The following VAMP4 variants were observed in gnomAD, a reference collection of about 807,000 sequenced individuals.
The protein encoded by VAMP4 is vesicle-associated membrane protein 4.
In VAMP4, 19 loss-of-function variants were observed where a neutral mutation model predicts 23.5. That is an observed-to-expected ratio of 0.81 (90% confidence interval 0.56 to 1.19). VAMP4 has a LOEUF of 1.19. Among genes scored for constraint, VAMP4 ranks in the 50% most tolerant of loss-of-function variants. VAMP4 has a pLI of 0.00. For missense variants in VAMP4, 145 were observed against 168.6 expected, an observed-to-expected ratio of 0.86 and a Z score of 0.78; for synonymous variants, 31 against 51.0, an observed-to-expected ratio of 0.61 and a Z score of 1.67.
At position 171,710,818 on chromosome 1, in the gene VAMP4, G is replaced by A. The variant is rs10913530; in HGVS notation, c.165-4C>T. On this transcript the variant is annotated splice_polypyrimidine_tract_variant and splice_region_variant and intron_variant, in intron 4 of 7. Coordinates refer to ENST00000236192, the MANE Select transcript of VAMP4 (RefSeq NM_003762.5). Reference sequence around the variant, plus strand: ...TTCATCCACTTGATTCTGAACACTAGTTTAAAAAAGATACACAATTATTTA... The same window carrying A: ...TTCATCCACTTGATTCTGAACACTAATTTAAAAAAGATACACAATTATTTA... 0.31 allele frequency: 491,983 copies of A among 1,575,522 alleles called. 78,818 individuals are homozygous for A. The highest frequency in any genetic ancestry group is 0.47 in the African/African-American group (34,596 of 73,502).
chr1:171,737,006 C>T (rs1179120530), intron 2 of VAMP4, among the ~76,000 whole-genome samples: 1 of 152,080 alleles, frequency 6.6e-6, no homozygotes, highest in Non-Finnish European at 1.5e-5. Flanking sequence ...ATCAGAAACA[C>T]ACAAAACCGC....
chr1:171,720,993 GC>G (rs1655176032), intron 3 of VAMP4, among the ~76,000 whole-genome samples: 2 of 151,962 alleles, frequency 1.3e-5, no homozygotes, highest in Non-Finnish European at 2.9e-5. Flanking sequence ...TATCACAAAT[GC>G]AACGACGGTT....
chr1:171,724,565 A>T (rs1333508863), intron 3 of VAMP4, among the ~76,000 whole-genome samples: 1 of 152,212 alleles, frequency 6.6e-6, no homozygotes, highest in Admixed American at 6.5e-5. Flanking sequence ...CTGCTGAGAG[A>T]AATTAAGTAC....
chr1:171,710,611 T>C, intron 5 of VAMP4, 103 bp downstream of exon 5: 1 of 818,686 alleles, frequency 1.2e-6, no homozygotes, highest in South Asian at 1.6e-5. Flanking sequence ...AAGAACCAAA[T>C]GCCAATTTCC....
intron 2 of VAMP4, among the ~76,000 whole-genome samples, chr1:171,734,034 G>A (rs1187740164): frequency 2.6e-5 from 4 of 152,068 alleles, no homozygotes; most frequent in Admixed American, 2.0e-4. Context: ...TTGGGAGGCC[G>A]AGGTGGGTGA....
chr1:171,739,484 A>C (rs1188566258), intron 1 of VAMP4, among the ~76,000 whole-genome samples: 1 of 152,178 alleles, frequency 6.6e-6, no homozygotes, highest in Non-Finnish European at 1.5e-5. Context: ...TAATTCTGTA[A>C]GCCACTCTAG....
intron 4 of VAMP4, among the ~76,000 whole-genome samples, chr1:171,717,025 T>A (rs1033997494): frequency 7.9e-5 from 12 of 152,230 alleles, no homozygotes; most frequent in African/African-American, 2.9e-4. Flanking sequence ...AATTCATGTG[T>A]GTATGTTTGG....
rs1654529684 is a variant in VAMP4, at chr1:171,703,426, T to TGTATATATATATATATATAC, written c.*1079_*1080insGTATATATATATATATATAC. ...GTGTGTGTGTGTGTGTGTTTGTGTG[T>TGTATATATATATATATATAC]ATATATATATATATATATATATATA... is the stretch of plus-strand genomic sequence containing the variant. On this transcript the variant is annotated 3_prime_UTR_variant, in exon 8 of 8. Transcript: ENST00000236192. 1.0e-4 allele frequency: 1 copy of TGTATATATATATATATATAC among 9,618 alleles called. No homozygotes were observed. The highest frequency in any genetic ancestry group is 3.2e-4 in the African/African-American group (1 of 3,098). 0.6% of individuals were successfully genotyped at this position (9,618 alleles called of 1,614,324 possible). A position where few individuals can be genotyped will look rare whatever the true frequency, so the allele number is the denominator to read the frequency against.
intron 7 of VAMP4, among the ~76,000 whole-genome samples, chr1:171,704,914 GTTATA>G (rs1470959227): frequency 2.0e-5 from 3 of 149,754 alleles, no homozygotes; most frequent in East Asian, 1.9e-4. Flanking sequence ...ATATATAATA[GTTATA>G]TTAGTAGCTA....
Position 171,703,028 on chromosome 1 carries a change from T to C in VAMP4, c.*1478A>G, listed in dbSNP as rs2124831858. ...ACAAAAAAACACCAAACCCAGATTC[T>C]ATGCTTTATTCATTTTGCATTAAGA... On this transcript the variant is annotated 3_prime_UTR_variant, in exon 8 of 8. Coordinates refer to ENST00000236192, the MANE Select transcript of VAMP4 (RefSeq NM_003762.5). The C allele has an allele frequency of 6.6e-6, 1 of 152,088 alleles. No individual in the cohort carries two copies. Among genetic ancestry groups the C allele is most frequent in the Non-Finnish European group, 1.5e-5 (1 of 67,852 alleles). The allele number at this position is 152,088 out of a possible 1,614,324, so 9.4% of individuals were successfully genotyped here.
chr1:171,736,010 C>T lies in VAMP4; in HGVS notation c.66+2339G>A, dbSNP rs371440310. On this transcript the variant is annotated intron_variant, in intron 2 of 7. Coordinates refer to ENST00000236192, the MANE Select transcript of VAMP4 (RefSeq NM_003762.5). ...CAAGCAATTCTCCTGCCTCAGCCTC[C>T]CAGGTAGCTGGGATTACAGGTGTGC... Among the ~76,000 whole-genome samples, 7 of 152,270 alleles carry T rather than the reference C, an allele frequency of 4.6e-5. No individual in the cohort carries two copies. The East Asian group carries it at 1.2e-3, about 25-fold the overall frequency.
intron 3 of VAMP4, among the ~76,000 whole-genome samples, chr1:171,720,379 C>T (rs1436741573): frequency 1.3e-5 from 2 of 151,856 alleles, no homozygotes; most frequent in Non-Finnish European, 2.9e-5. Flanking sequence ...AAAGCAGGAG[C>T]TATGTCTGTT....
At chr1:171,729,930 A>G (rs1444633996) in intron 2 of VAMP4, among the ~76,000 whole-genome samples, 1 of 152,140 alleles carries the variant, frequency 6.6e-6, no homozygotes, top group African/African-American at 2.4e-5. Flanking sequence ...AATTATTCAT[A>G]TGGGCCCCAT....
Position 171,710,760 on chromosome 1 carries a change from C to G in VAMP4, c.219G>C (p.Lys73Asn). Residue 73 changes from lysine to asparagine, a missense_variant, in exon 5 of 8, where the codon AAG becomes AAC. By Grantham distance (94) the Lys-to-Asn change is moderately conservative. Coordinates refer to ENST00000236192, the MANE Select transcript of VAMP4 (RefSeq NM_003762.5). ...VIDVMQENITKVIERGERLDE... is the reference protein window; with the variant it reads ...VIDVMQENITNVIERGERLDE... ...CTAGTCTCTCCCCTCTCTCAATTACCTTTGTAATATTTTCTTGCATGACAT... is the reference window on the plus strand; with the variant it reads ...CTAGTCTCTCCCCTCTCTCAATTACGTTTGTAATATTTTCTTGCATGACAT... The G allele has an allele frequency of 6.2e-7, 1 of 1,610,118 alleles. No individual in the cohort carries two copies. The highest frequency in any genetic ancestry group is 8.5e-7 in the Non-Finnish European group (1 of 1,178,250).
chr1:171,738,990 G>A (rs1419093569), intron 1 of VAMP4, among the ~76,000 whole-genome samples: 2 of 152,184 alleles, frequency 1.3e-5, no homozygotes, highest in African/African-American at 4.8e-5. Context: ...GGGTAAGTTT[G>A]GTAAGTACTG....
chr1:171,723,413 A>G (rs1019753881), intron 3 of VAMP4, among the ~76,000 whole-genome samples: 3 of 152,192 alleles, frequency 2.0e-5, no homozygotes, highest in South Asian at 2.1e-4. Context: ...CATATAAGAC[A>G]CACATTCCCA....
intron 3 of VAMP4, 29 bp downstream of exon 3, chr1:171,728,495 C>T (rs1319356678): frequency 1.3e-6 from 2 of 1,488,694 alleles, no homozygotes; most frequent in South Asian, 1.3e-5. Flanking sequence ...GTCAATTACA[C>T]CCTAATAAAG....
chr1:171,736,173 C>T (rs944761804), intron 2 of VAMP4, among the ~76,000 whole-genome samples: 3 of 152,172 alleles, frequency 2.0e-5, no homozygotes, highest in African/African-American at 7.2e-5. Flanking sequence ...AGGCGCGAGC[C>T]ACCACGCCTG....
At chr1:171,726,835 TAATCTTCA>T (rs1354311162) in intron 3 of VAMP4, among the ~76,000 whole-genome samples, 1 of 151,462 alleles carries the variant, frequency 6.6e-6, no homozygotes, top group African/African-American at 2.4e-5. Flanking sequence ...ATCAAAATTT[TAATCTTCA>T]AAAGATATTA....
Sources: allele counts gnomAD v4.1 joint callset (sites outside exome capture counted in the v4.1 genomes callset), GRCh38; gene constraint gnomAD v4.1.1; transcripts MANE v1.5; gene names NCBI Gene and HGNC (gene_info 2026-07-23, HGNC 2026-07-21).